KIAA1217: variants seen among roughly 807,000 people sequenced by gnomAD.
KIAA1217 encodes sickle tail protein homolog.
In KIAA1217, 88 loss-of-function variants were observed where a neutral mutation model predicts 163.9. The ratio of observed to expected loss-of-function variants is 0.54; its 90% CI spans 0.45 to 0.64. KIAA1217 has a LOEUF of 0.64. Ranked by LOEUF, KIAA1217 falls within the 30% of genes least tolerant of loss-of-function variation. The pLI is 0.00. For synonymous variants in KIAA1217, 903 were observed against 923.1 expected, an observed-to-expected ratio of 0.98 and a Z score of 0.39; for missense variants, 2,372 against 2,475.0, an observed-to-expected ratio of 0.96 and a Z score of 0.88.
At chr10:23,835,050 A>T (rs1008271472) in intron 1 of KIAA1217, among the ~76,000 whole-genome samples, 13 of 152,138 alleles carry the variant, frequency 8.5e-5, no homozygotes, top group Middle Eastern at 3.4e-3. Context: ...ATATGGGGTA[A>T]TTGGGCCATG....
chr10:23,707,818 G>A (rs773213168), intron 1 of KIAA1217, among the ~76,000 whole-genome samples: 5 of 152,158 alleles, frequency 3.3e-5, no homozygotes, highest in Non-Finnish European at 7.4e-5. Context: ...CTTCAAGAAG[G>A]AAATGTCATT....
intron 1 of KIAA1217, among the ~76,000 whole-genome samples, chr10:23,870,273 G>A (rs965599020): frequency 1.3e-5 from 2 of 152,110 alleles, no homozygotes; most frequent in African/African-American, 4.8e-5. Flanking sequence ...GTGGAAATGT[G>A]TCTGGAGGCA....
intron 2 of KIAA1217, among the ~76,000 whole-genome samples, chr10:24,360,146 A>G (rs1032752165): frequency 1.4e-5 from 2 of 144,578 alleles, no homozygotes; most frequent in African/African-American, 2.6e-5. Context: ...TCCCGGGTTC[A>G]AGCGATTCTT....
In KIAA1217 at chr10:24,543,533, G is replaced by C. The variant is rs2075353727; in HGVS notation, c.4263G>C (p.Glu1421Asp). 1.9e-6 allele frequency: 3 copies of C among 1,614,124 alleles called. No homozygotes were observed. Among genetic ancestry groups the C allele is most frequent in the Non-Finnish European group, 2.5e-6 (3 of 1,180,034 alleles). The change falls in exon 19 of 21, where the codon GAG becomes GAC. Residue 1421 changes from glutamate to aspartate, a missense_variant. Glu to Asp is a conservative substitution (Grantham distance 45). Transcript: ENST00000376454. ...IQTVNIDARK[E>D]MTPRQEGTDN... ...CGGTTAATATCGATGCCAGAAAAGA[G>C]ATGACCCCCCGACAAGAAGGGACTG...
At chr10:23,824,926 C>T (rs1475044199) in intron 1 of KIAA1217, among the ~76,000 whole-genome samples, 1 of 152,010 alleles carries the variant, frequency 6.6e-6, no homozygotes, top group East Asian at 1.9e-4. Context: ...CAAGGTATTA[C>T]ATAGTAATCC....
At chr10:24,249,872 A>G (rs548879304) in intron 2 of KIAA1217, among the ~76,000 whole-genome samples, 4 of 152,176 alleles carry the variant, frequency 2.6e-5, no homozygotes, top group African/African-American at 9.6e-5. Flanking sequence ...TGTTTCTGAG[A>G]TCTCTAAGGT....
intron 2 of KIAA1217, among the ~76,000 whole-genome samples, chr10:24,109,849 T>C (rs910011115): frequency 1.3e-5 from 2 of 152,164 alleles, no homozygotes; most frequent in African/African-American, 4.8e-5. Context: ...TTCTATTAGA[T>C]TGTTATTGAT....
intron 3 of KIAA1217, 59 bp downstream of exon 3, chr10:24,381,126 A>G (rs2053237063): frequency 7.8e-7 from 1 of 1,276,014 alleles, no homozygotes; most frequent in Non-Finnish European, 1.1e-6. Context: ...TTGTTGTTAT[A>G]CTACTGAACC....
At chr10:24,008,703 T>C (rs1006678158) in intron 2 of KIAA1217, among the ~76,000 whole-genome samples, 30 of 152,146 alleles carry the variant, frequency 2.0e-4, no homozygotes, top group African/African-American at 7.2e-4. Flanking sequence ...TATTTTCTGC[T>C]GTCTCTATAA....
chr10:24,368,160 C>G (rs2051049506), intron 2 of KIAA1217, among the ~76,000 whole-genome samples: 2 of 152,178 alleles, frequency 1.3e-5, no homozygotes, highest in South Asian at 4.1e-4. Context: ...TAATTTTATT[C>G]TTAATCATTT....
At position 23,747,924 on chromosome 10, in the gene KIAA1217, C is replaced by T. The variant is rs144247409; in HGVS notation, c.-321+52690C>T. On this transcript the variant is annotated intron_variant, in intron 1 of 18. Coordinates refer to the KIAA1217 transcript ENST00000376462. ...TGCAATGAGAGCCAGTTTCTCTCCT[C>T]CCTTATCCCCAGGAGTGACTGTTGT... Among the ~76,000 whole-genome samples, 552 of 152,302 alleles carry T rather than the reference C, an allele frequency of 3.6e-3. 2 individuals are homozygous for T. Among genetic ancestry groups the T allele is most frequent in the Non-Finnish European group, 6.6e-3 (449 of 68,024 alleles).
chr10:24,227,755 A>C (rs2070790982), intron 2 of KIAA1217, among the ~76,000 whole-genome samples: 1 of 151,286 alleles, frequency 6.6e-6, no homozygotes, highest in South Asian at 2.1e-4. Flanking sequence ...GATGGTCTCG[A>C]GCTCCTGGCC....
intron 3 of KIAA1217, among the ~76,000 whole-genome samples, chr10:24,418,090 G>A (rs1266315257): frequency 6.6e-6 from 1 of 151,488 alleles, no homozygotes; most frequent in Non-Finnish European, 1.5e-5. Flanking sequence ...GGGACTACAG[G>A]CATCTGCCAC....
chr10:24,074,180 C>T (rs760729533), intron 2 of KIAA1217, among the ~76,000 whole-genome samples: 21 of 152,144 alleles, frequency 1.4e-4, no homozygotes, highest in Non-Finnish European at 1.2e-4. Flanking sequence ...GAAACACCAT[C>T]TCTACTAAAA....
intron 1 of KIAA1217, among the ~76,000 whole-genome samples, chr10:23,897,293 C>G (rs757960309): frequency 7.2e-5 from 11 of 151,998 alleles, no homozygotes; most frequent in Admixed American, 6.6e-5. Flanking sequence ...AAAATAAAAT[C>G]TATTTGTAGC....
intron 1 of KIAA1217, among the ~76,000 whole-genome samples, chr10:23,739,054 A>T (rs1485093210): frequency 1.3e-5 from 2 of 152,210 alleles, no homozygotes; most frequent in East Asian, 3.8e-4. Context: ...TGCACAATGA[A>T]ATACTATTCA....
chr10:24,145,481 A>G (rs183693626), intron 2 of KIAA1217, among the ~76,000 whole-genome samples: 1 of 152,362 alleles, frequency 6.6e-6, no homozygotes, highest in Non-Finnish European at 1.5e-5. Context: ...CAAGAAAGGC[A>G]AAGCCAGAAA....
chr10:24,448,902 T>A (rs921716366), intron 5 of KIAA1217, among the ~76,000 whole-genome samples: 1 of 152,176 alleles, frequency 6.6e-6, no homozygotes, highest in Non-Finnish European at 1.5e-5. Flanking sequence ...ATACAGACAA[T>A]AATCAATTAA....
chr10:23,695,869 G>C lies in KIAA1217; in HGVS notation c.-321+635G>C, dbSNP rs1564344271. Among the ~76,000 whole-genome samples, 1 of 152,180 alleles carries C rather than the reference G, an allele frequency of 6.6e-6. No homozygotes were observed. Among genetic ancestry groups the C allele is most frequent in the Non-Finnish European group, 1.5e-5 (1 of 68,024 alleles). On this transcript the variant is annotated intron_variant, in intron 1 of 18. Coordinates refer to the KIAA1217 transcript ENST00000376462. The surrounding 1 kb of genome is among the most constrained non-coding windows in gnomAD (Gnocchi z 4.9). ...CTACGGTTGATGTTGGGCGCCTTTGGAAGCTGGTCATTAATTCTTGTCATC... is the reference window on the plus strand; with the variant it reads ...CTACGGTTGATGTTGGGCGCCTTTGCAAGCTGGTCATTAATTCTTGTCATC...
Sources: gnomAD v4.1 joint callset for allele counts (sites outside exome capture counted in the v4.1 genomes callset) on GRCh38, gnomAD v4.1.1 for gene constraint, Gnocchi (gnomAD v3.1) non-coding constraint, MANE v1.5 for transcripts, NCBI Gene and HGNC (gene_info 2026-07-23, HGNC 2026-07-21) for gene names.